The following C8orf34 variants were observed in gnomAD, a reference collection of about 807,000 sequenced individuals.
C8orf34 encodes the protein uncharacterized protein C8orf34.
Under a neutral mutation model 68.3 loss-of-function variants are expected in C8orf34, and 65 were observed. The observed-to-expected ratio is 0.95, with a 90% CI of 0.78 to 1.17. The LOEUF is 1.17. C8orf34 is among the 50% of genes most tolerant of loss of function. The pLI is 0.00. For synonymous variants in C8orf34, 244 were observed against 241.2 expected, an observed-to-expected ratio of 1.01 and a Z score of -0.11; for missense variants, 664 against 655.4, an observed-to-expected ratio of 1.01 and a Z score of -0.14.
intron 1 of C8orf34, among the ~76,000 whole-genome samples, chr8:68,423,601 C>T (rs1337654198): frequency 6.6e-6 from 1 of 152,152 alleles, no homozygotes; most frequent in African/African-American, 2.4e-5. Flanking sequence ...ATGAGTCCTC[C>T]AAACTGTTCC....
At chr8:68,698,221 C>T (rs1210560803) in intron 8 of C8orf34, among the ~76,000 whole-genome samples, 1 of 152,014 alleles carries the variant, frequency 6.6e-6, no homozygotes, top group Non-Finnish European at 1.5e-5. Context: ...AAAATATTGT[C>T]TTTCTCTGGT....
chr8:68,544,632 A>G (rs1309394448), intron 7 of C8orf34, among the ~76,000 whole-genome samples: 8 of 152,212 alleles, frequency 5.3e-5, no homozygotes, highest in Non-Finnish European at 1.2e-4. Flanking sequence ...ATTATTGTAC[A>G]TATTGTATGC....
intron 7 of C8orf34, among the ~76,000 whole-genome samples, chr8:68,566,315 C>G (rs1465715516): frequency 6.6e-6 from 1 of 152,124 alleles, no homozygotes; most frequent in Non-Finnish European, 1.5e-5. Flanking sequence ...CATCTCCCAG[C>G]CTCCACCCTC....
intron 8 of C8orf34, among the ~76,000 whole-genome samples, chr8:68,677,867 C>T (rs1001134912): frequency 2.0e-5 from 3 of 151,952 alleles, no homozygotes; most frequent in African/African-American, 7.3e-5. Flanking sequence ...GGAGTGACAA[C>T]CCAAATAAAT....
chr8:68,535,253 G>C, intron 7 of C8orf34: 6 of 979,044 alleles, frequency 6.1e-6, no homozygotes, highest in South Asian at 9.5e-5. Context: ...TAGAATCATT[G>C]TAAGATGCAA....
At chr8:68,735,922 G>A (rs1822109451) in intron 10 of C8orf34, among the ~76,000 whole-genome samples, 1 of 152,140 alleles carries the variant, frequency 6.6e-6, no homozygotes. Flanking sequence ...TCTAAAGAAT[G>A]TAGTTCGTTT....
intron 12 of C8orf34, among the ~76,000 whole-genome samples, chr8:68,814,795 C>T (rs754436200): frequency 6.6e-5 from 10 of 152,110 alleles, no homozygotes; most frequent in Non-Finnish European, 8.8e-5. Context: ...ATCAATAAGC[C>T]ATTTCATTCG....
At chr8:68,475,403 T>G (rs1812566224) in intron 4 of C8orf34, among the ~76,000 whole-genome samples, 1 of 152,200 alleles carries the variant, frequency 6.6e-6, no homozygotes, top group Non-Finnish European at 1.5e-5. Context: ...TCCCTAGGAC[T>G]TGGCACAAAG....
intron 7 of C8orf34, among the ~76,000 whole-genome samples, chr8:68,548,574 G>C (rs1815963098): frequency 6.6e-6 from 1 of 151,734 alleles, no homozygotes; most frequent in Non-Finnish European, 1.5e-5. Flanking sequence ...CTCAAACATT[G>C]CTAATGGGAA....
intron 12 of C8orf34, among the ~76,000 whole-genome samples, chr8:68,793,184 G>A (rs1824063458): frequency 6.6e-6 from 1 of 151,908 alleles, no homozygotes; most frequent in Admixed American, 6.6e-5. Flanking sequence ...CACAAAGAAA[G>A]AAAATCTAAA....
chr8:68,714,226 A>T (rs1821405721), intron 9 of C8orf34, among the ~76,000 whole-genome samples: 1 of 152,144 alleles, frequency 6.6e-6, no homozygotes, highest in African/African-American at 2.4e-5. Flanking sequence ...CTGAGACCGG[A>T]AGAAGACAAA....
At chr8:68,708,333 T>C (rs554962918) in intron 8 of C8orf34, among the ~76,000 whole-genome samples, 42 of 152,320 alleles carry the variant, frequency 2.8e-4, no homozygotes, top group Non-Finnish European at 4.1e-4. Flanking sequence ...TCTGCTGTGG[T>C]ATATAAAAGC....
chr8:68,791,737 T>C (rs962524762), intron 12 of C8orf34: 1 of 152,222 alleles, frequency 6.6e-6, no homozygotes, highest in South Asian at 2.1e-4. Flanking sequence ...GAGGTCTTAA[T>C]GTCTGTAACA....
At chr8:68,575,600 G>A (rs1816878538) in intron 7 of C8orf34, among the ~76,000 whole-genome samples, 2 of 152,000 alleles carry the variant, frequency 1.3e-5, no homozygotes, top group African/African-American at 4.8e-5. Context: ...CAGTATAAGG[G>A]TGTATAATCT....
chr8:68,471,368 C>T (rs1812370746), intron 4 of C8orf34, among the ~76,000 whole-genome samples: 1 of 152,108 alleles, frequency 6.6e-6, no homozygotes. Context: ...TTGTCTTAGG[C>T]ACAACATGTT....
intron 7 of C8orf34, among the ~76,000 whole-genome samples, chr8:68,614,782 G>C (rs1405931990): frequency 1.3e-5 from 2 of 152,048 alleles, no homozygotes; most frequent in Admixed American, 6.6e-5. Context: ...GCTCTTTTTT[G>C]GTTCCACATG....
intron 3 of C8orf34, among the ~76,000 whole-genome samples, chr8:68,466,765 A>ATATATATATG (rs1242128072): frequency 2.0e-4 from 25 of 123,326 alleles, no homozygotes; most frequent in Non-Finnish European, 2.8e-4. Flanking sequence ...ATATATATAT[A>ATATATATATG]GATGCTTTCA....
intron 7 of C8orf34, among the ~76,000 whole-genome samples, chr8:68,596,050 C>T (rs974893433): frequency 2.0e-5 from 3 of 152,040 alleles, no homozygotes; most frequent in Non-Finnish European, 4.4e-5. Context: ...AGCCTACTTC[C>T]TTTGGTACAG....
chr8:68,659,736 C>T (rs1030094790), intron 8 of C8orf34, among the ~76,000 whole-genome samples: 1 of 152,044 alleles, frequency 6.6e-6, no homozygotes, highest in Non-Finnish European at 1.5e-5. Flanking sequence ...GTTCAGTCCA[C>T]TCCATTAACT....
Sources: allele counts gnomAD v4.1 joint callset (sites outside exome capture counted in the v4.1 genomes callset), GRCh38; gene constraint gnomAD v4.1.1; transcripts MANE v1.5; gene names NCBI Gene and HGNC (gene_info 2026-07-23, HGNC 2026-07-21).